The following EPHX2 variants were observed in gnomAD, a reference collection of about 807,000 sequenced individuals.
EPHX2 encodes the protein epoxide hydrolase 2.
A neutral mutation model predicts 78.7 loss-of-function variants in EPHX2; 74 were observed. That is an observed-to-expected ratio of 0.94 (90% CI 0.78 to 1.14). The LOEUF (loss-of-function observed/expected upper bound fraction) is 1.14, where lower values mean the gene tolerates loss of function less well. Among genes scored for constraint, EPHX2 ranks in the 50% most tolerant of loss-of-function variants. The pLI, the probability that EPHX2 is intolerant of heterozygous loss-of-function variation, is 0.00. For missense variants in EPHX2, 715 were observed against 702.5 expected (o/e 1.02, Z -0.20); for synonymous variants, 251 against 255.2 (o/e 0.98, Z 0.16).
At chr8:27,537,098 T>A (rs1370772924) in intron 13 of EPHX2, among the ~76,000 whole-genome samples, 1 of 152,216 alleles carries the variant, frequency 6.6e-6, no homozygotes. Context: ...CATTTTAACA[T>A]GCATAATTGG....
chr8:27,521,772 G>A (rs1270632581), intron 10 of EPHX2, among the ~76,000 whole-genome samples: 1 of 152,214 alleles, frequency 6.6e-6, no homozygotes, highest in Non-Finnish European at 1.5e-5. Context: ...ATTGTTGAGA[G>A]AGTGACTCTG....
chr8:27,491,341 G>A, intron 1 of EPHX2, 32 bp downstream of exon 1: 1 of 1,428,408 alleles, frequency 7.0e-7, no homozygotes, highest in Non-Finnish European at 9.1e-7. Flanking sequence ...GCCGCAGTGG[G>A]TCGGGGCCTC....
At chr8:27,520,646 A>C (rs1473071698) in intron 9 of EPHX2, among the ~76,000 whole-genome samples, 2 of 151,970 alleles carry the variant, frequency 1.3e-5, no homozygotes, top group African/African-American at 4.8e-5. Flanking sequence ...TGCCCGGCTT[A>C]ATCTCCTCCT....
intron 12 of EPHX2, among the ~76,000 whole-genome samples, chr8:27,536,222 AC>A (rs1401645724): frequency 6.6e-6 from 1 of 152,152 alleles, no homozygotes; most frequent in Non-Finnish European, 1.5e-5. Flanking sequence ...AACAATTAAG[AC>A]CCAAGTCAAA....
chr8:27,543,625 G>A (rs2291635), intron 16 of EPHX2, 124 bp from the exon 17 acceptor site: 97,914 of 895,696 alleles, frequency 0.11, 5,844 homozygotes, highest in East Asian at 0.17. Context: ...CGAGTCTGTT[G>A]TGCAAAGTTC....
chr8:27,537,572 C>T (rs1473966197), intron 13 of EPHX2, among the ~76,000 whole-genome samples: 2 of 152,152 alleles, frequency 1.3e-5, no homozygotes, highest in African/African-American at 4.8e-5. Flanking sequence ...ACTGCAGTGT[C>T]TGATCTGCAG....
chr8:27,498,254 G>A (rs943455568), intron 1 of EPHX2, among the ~76,000 whole-genome samples: 1 of 152,186 alleles, frequency 6.6e-6, no homozygotes. Context: ...GATAGCCCGG[G>A]GGTTTTATGG....
chr8:27,540,204 A>G (rs1159511947), intron 14 of EPHX2, among the ~76,000 whole-genome samples: 1 of 152,168 alleles, frequency 6.6e-6, no homozygotes, highest in African/African-American at 2.4e-5. Flanking sequence ...TGGCTGGGAA[A>G]GGTTTAGACG....
intron 11 of EPHX2, among the ~76,000 whole-genome samples, chr8:27,525,107 T>TGTGTGCGCGCGCGCGCGC (rs1491544464): frequency 9.7e-6 from 1 of 103,456 alleles, no homozygotes; most frequent in African/African-American, 3.6e-5. Context: ...TGTGTGTGTG[T>TGTGTGCGCGCGCGCGCGC]GCGCGCGCGC....
chr8:27,540,445 A>T, intron 14 of EPHX2, 109 bp from the exon 15 acceptor site: 1 of 858,822 alleles, frequency 1.2e-6, no homozygotes, highest in Non-Finnish European at 1.9e-6. Flanking sequence ...AGGCACTCAT[A>T]AGGCCTTGCG....
chr8:27,525,324 T>G, intron 11 of EPHX2, 38 bp from the exon 12 acceptor site: 2 of 1,590,034 alleles, frequency 1.3e-6, no homozygotes, highest in Non-Finnish European at 1.7e-6. Context: ...GACTGTCTTC[T>G]TACAGGGGCT....
Position 27,522,522 on chromosome 8 carries a change from G to T in EPHX2, c.1058+14G>T. ...CGAGAGAGTGAGGTAATTGGGCCTC[G>T]GGCAATAAAGATTTGGAGGAGGCTG... On this transcript the variant is annotated intron_variant, in intron 11 of 18. Transcript: ENST00000521400. 1 of 1,612,442 alleles carries T rather than the reference G, an allele frequency of 6.2e-7. No homozygotes were observed. The highest frequency in any genetic ancestry group is 8.5e-7 in the Non-Finnish European group (1 of 1,178,862).
intron 11 of EPHX2, among the ~76,000 whole-genome samples, chr8:27,523,364 G>C (rs1051551662): frequency 6.6e-6 from 1 of 152,230 alleles, no homozygotes; most frequent in Non-Finnish European, 1.5e-5. Flanking sequence ...TTCATGGCTT[G>C]AGTGGGAGCT....
In EPHX2 at chr8:27,500,947, C is replaced by T; in HGVS notation, c.123C>T (p.Phe41=). ...ALPRGLLNDA[F]QKGGPEGATT... ...CCAGAGGACTTCTGAATGATGCTTT[C>T]CAGAAAGGGGGACCAGAGGGTGCCA... is the stretch of plus-strand genomic sequence containing the variant. The change falls in exon 2 of 19, where the codon TTC becomes TTT. Residue 41 remains phenylalanine, a synonymous_variant. Transcript: ENST00000521400. 1 of 1,613,250 alleles carries T rather than the reference C, an allele frequency of 6.2e-7. No homozygotes were observed. The highest frequency in any genetic ancestry group is 2.2e-5 in the East Asian group (1 of 44,838).
chr8:27,506,847 T>G (rs752095212), intron 4 of EPHX2, 25 bp from the exon 5 acceptor site: 2 of 1,606,498 alleles, frequency 1.2e-6, no homozygotes, highest in South Asian at 2.2e-5. Flanking sequence ...CTTTCTGAGA[T>G]TCTCCCATGC....
intron 12 of EPHX2, among the ~76,000 whole-genome samples, chr8:27,530,768 T>C (rs961413597): frequency 5.3e-5 from 8 of 149,768 alleles, no homozygotes; most frequent in African/African-American, 1.2e-4. Context: ...TTTTCTTTTT[T>C]TTTTTTTTTT....
At chr8:27,531,357 C>T (rs1203928554) in intron 12 of EPHX2, among the ~76,000 whole-genome samples, 2 of 152,220 alleles carry the variant, frequency 1.3e-5, no homozygotes, top group Non-Finnish European at 2.9e-5. Context: ...CCTGTAGAGC[C>T]TTCTAAGTCT....
At chr8:27,504,274 G>A (rs1421996652) in intron 3 of EPHX2, among the ~76,000 whole-genome samples, 1 of 152,152 alleles carries the variant, frequency 6.6e-6, no homozygotes, top group Non-Finnish European at 1.5e-5. Flanking sequence ...CTTATCAGTA[G>A]ACTTACCTGG....
rs368915541 is a variant in EPHX2, at chr8:27,506,986, G to A, written c.652G>A (p.Gly218Arg). 1.7e-5 allele frequency: 27 copies of A among 1,613,722 alleles called. 1 individual carries two copies. The highest frequency in any genetic ancestry group is 6.7e-5 in the African/African-American group (5 of 74,980). ...CCTGAAAGAACTGGAGAAAGTGACC[G>A]GAATCCAGGTAACTTGACTTCTGAG... Reference protein sequence around the residue: ...TALKELEKVTGIQLLNTPAPL... With the variant: ...TALKELEKVTRIQLLNTPAPL... The change falls in exon 5 of 19, where the codon GGA (glycine) becomes AGA (arginine). Residue 218 changes from glycine (G) to arginine (R), a missense_variant. By Grantham distance (125) the Gly-to-Arg change is moderately radical (BLOSUM62 -2). Coordinates refer to ENST00000521400, the MANE Select transcript of EPHX2 (RefSeq NM_001979.6).
Sources: allele counts gnomAD v4.1 joint callset (sites outside exome capture counted in the v4.1 genomes callset), GRCh38; gene constraint gnomAD v4.1.1; transcripts MANE v1.5; gene names NCBI Gene and HGNC (gene_info 2026-07-23, HGNC 2026-07-21).